SVEP1: variants seen among roughly 807,000 people sequenced by gnomAD.
The protein encoded by SVEP1 is sushi, von Willebrand factor type A, EGF and pentraxin domain containing 1, also known as sushi, von Willebrand factor type A, EGF and pentraxin domain-containing protein 1.
A neutral mutation model predicts 367.3 loss-of-function variants in SVEP1; 164 were observed. That is an observed-to-expected ratio of 0.45 (90% CI 0.39 to 0.51). The LOEUF (loss-of-function observed/expected upper bound fraction) is 0.51, where lower values mean the gene tolerates loss of function less well. Ranked by LOEUF, SVEP1 falls within the 20% of genes least tolerant of loss-of-function variation. SVEP1 has a pLI of 0.00. For missense variants in SVEP1, 4,117 were observed against 4,425.3 expected (o/e 0.93, Z 1.98); for synonymous variants, 1,666 against 1,611.6 (o/e 1.03, Z -0.81).
At chr9:110,394,247 G>C (rs1028879023) in intron 40 of SVEP1, among the ~76,000 whole-genome samples, 58 of 152,254 alleles carry the variant, frequency 3.8e-4, no homozygotes, top group African/African-American at 1.3e-3. Flanking sequence ...AGGCAAACAG[G>C]GTCTGGATTG....
At chr9:110,437,998 A>G (rs1203451989) in intron 27 of SVEP1, among the ~76,000 whole-genome samples, 1 of 152,056 alleles carries the variant, frequency 6.6e-6, no homozygotes, top group Non-Finnish European at 1.5e-5. Context: ...ATAATTATTT[A>G]ATAGTTTTTT....
Position 110,468,899 on chromosome 9 carries a change from A to T in SVEP1, c.3160+41T>A. ...TTCTTTCCCCCAAAAGGGAAACAAA[A>T]ATTGGGCTGCTTCTAGTTGAAATGT... On this transcript the variant is annotated intron_variant, in intron 17 of 47. Coordinates refer to ENST00000374469, the MANE Select transcript of SVEP1 (RefSeq NM_153366.4). 4.0e-6 allele frequency: 6 copies of T among 1,504,988 alleles called. No homozygotes were observed. The South Asian group carries it at 8.0e-5, about 20-fold the overall frequency. The allele number at this position is 1,504,988 out of a possible 1,614,324, so 93.2% of individuals were successfully genotyped here.
chr9:110,468,160 A>G (rs1010406181), intron 17 of SVEP1, among the ~76,000 whole-genome samples: 3 of 152,238 alleles, frequency 2.0e-5, no homozygotes, highest in Non-Finnish European at 4.4e-5. Flanking sequence ...CTAACACACC[A>G]GGCTAACTGA....
At chr9:110,414,999 T>C (rs947068671) in intron 36 of SVEP1, among the ~76,000 whole-genome samples, 1 of 151,994 alleles carries the variant, frequency 6.6e-6, no homozygotes, top group Non-Finnish European at 1.5e-5. Context: ...CCAAGGAGTA[T>C]AAACATGAGC....
intron 16 of SVEP1, among the ~76,000 whole-genome samples, chr9:110,469,829 G>T (rs940248617): frequency 1.3e-5 from 2 of 152,198 alleles, no homozygotes; most frequent in African/African-American, 4.8e-5. Context: ...TGTGATGCAA[G>T]ATCACACTGA....
At chr9:110,383,556 G>GT (rs1827475515) in intron 43 of SVEP1, among the ~76,000 whole-genome samples, 1 of 77,950 alleles carries the variant, frequency 1.3e-5, no homozygotes, top group South Asian at 3.8e-4. Flanking sequence ...GACCCCTGTT[G>GT]TGGGGGGGTC....
At chr9:110,429,011 G>T in intron 35 of SVEP1, 132 bp downstream of exon 35, 1 of 715,284 alleles carries the variant, frequency 1.4e-6, no homozygotes, top group Non-Finnish European at 2.1e-6. Context: ...AGAGATTGCA[G>T]TGAGCTGAGA....
At chr9:110,505,428 G>C (rs1267612735) in intron 5 of SVEP1, among the ~76,000 whole-genome samples, 1 of 152,040 alleles carries the variant, frequency 6.6e-6, no homozygotes, top group African/African-American at 2.4e-5. Flanking sequence ...TAGACCCTTG[G>C]ACCTGCCCCC....
At chr9:110,392,936 A>G (rs1827686649) in intron 40 of SVEP1, among the ~76,000 whole-genome samples, 1 of 152,178 alleles carries the variant, frequency 6.6e-6, no homozygotes, top group African/African-American at 2.4e-5. Context: ...TTTCCAGGCA[A>G]TATTTTACAT....
At chr9:110,452,375 T>A (rs888965832) in intron 22 of SVEP1, among the ~76,000 whole-genome samples, 1 of 152,220 alleles carries the variant, frequency 6.6e-6, no homozygotes, top group Non-Finnish European at 1.5e-5. Flanking sequence ...CACAAGTTTT[T>A]ACTATGATTC....
At chr9:110,448,436 GTCTAATAGGAATAAC>G (rs1828640699) in intron 24 of SVEP1, among the ~76,000 whole-genome samples, 1 of 152,192 alleles carries the variant, frequency 6.6e-6, no homozygotes, top group African/African-American at 2.4e-5. Context: ...ACCTAACAGT[GTCTAATAGGAATAAC>G]TGGTGTTTGG....
intron 1 of SVEP1, among the ~76,000 whole-genome samples, chr9:110,552,797 A>C (rs1029652998): frequency 6.6e-6 from 1 of 152,148 alleles, no homozygotes; most frequent in Non-Finnish European, 1.5e-5. Context: ...CGGCCTGGGT[A>C]CTGGGGCCCC....
chr9:110,450,329 T>A lies in SVEP1; in HGVS notation c.3902-69A>T. 2.0e-6 allele frequency: 3 copies of A among 1,512,292 alleles called. No homozygotes were observed. The South Asian group carries it at 3.5e-5, about 18-fold the overall frequency. 93.7% of individuals were successfully genotyped at this position (1,512,292 alleles called of 1,614,324 possible). ...CCTGGGAACACTGTAACTAAAGTGT[T>A]GACTCCCTGGAGGATGCTGCTTCTA... On this transcript the variant is annotated intron_variant, in intron 23 of 47. Coordinates refer to ENST00000374469, the MANE Select transcript of SVEP1 (RefSeq NM_153366.4).
At position 110,427,715 on chromosome 9, in the gene SVEP1, A is replaced by G. The variant is rs1828277128; in HGVS notation, c.5851T>C (p.Trp1951Arg). ...TGACAGGCAGGTGGCGCTCTGTCCC[A>G]GATGCCAGAAGCCGTGCATTCAATA... ...SIIECTASGI[W>R]DRAPPACHLV... The change falls in exon 36 of 48, where the codon TGG (tryptophan) becomes CGG (arginine). Residue 1951 changes from tryptophan (W) to arginine (R), a missense_variant. Around this residue, in one of 4 missense-constraint regions of SVEP1, gnomAD observed 2,174 missense variants for 2,494.3 expected, o/e 0.87. Transcript: ENST00000374469. 1 of 1,613,774 alleles carries G rather than the reference A, an allele frequency of 6.2e-7. No individual in the cohort carries two copies. Among genetic ancestry groups the G allele is most frequent in the Non-Finnish European group, 8.5e-7 (1 of 1,179,792 alleles).
intron 5 of SVEP1, among the ~76,000 whole-genome samples, chr9:110,510,594 A>G (rs1829693460): frequency 6.6e-6 from 1 of 152,198 alleles, no homozygotes; most frequent in South Asian, 2.1e-4. Context: ...GCTTCCTGAG[A>G]GAGCATGGCT....
At chr9:110,448,698 G>T (rs561023772) in intron 24 of SVEP1, among the ~76,000 whole-genome samples, 5 of 152,124 alleles carry the variant, frequency 3.3e-5, no homozygotes, top group African/African-American at 4.8e-5. Flanking sequence ...GACAACTTTG[G>T]TATTCATCAA....
intron 30 of SVEP1, among the ~76,000 whole-genome samples, chr9:110,433,675 T>C (rs1017845468): frequency 1.3e-5 from 2 of 151,868 alleles, no homozygotes; most frequent in Non-Finnish European, 2.9e-5. Context: ...TTTCATCATG[T>C]GCCTAGGCTG....
At chr9:110,369,850 G>A (rs1405627520) in intron 47 of SVEP1, 73 bp downstream of exon 47, 3 of 1,249,488 alleles carry the variant, frequency 2.4e-6, no homozygotes, top group Non-Finnish European at 3.4e-6. Flanking sequence ...GATAACTTCT[G>A]GCTCTTAGGA....
intron 14 of SVEP1, among the ~76,000 whole-genome samples, chr9:110,474,003 G>C (rs1259981499): frequency 6.6e-6 from 1 of 152,024 alleles, no homozygotes; most frequent in Non-Finnish European, 1.5e-5. Context: ...TTCCACTTTA[G>C]TTATTTTATT....
Sources: gnomAD v4.1 joint callset for allele counts (sites outside exome capture counted in the v4.1 genomes callset) on GRCh38, gnomAD v4.1.1 for gene constraint, gnomAD v4.1.1 regional missense constraint, MANE v1.5 for transcripts, NCBI Gene and HGNC (gene_info 2026-07-23, HGNC 2026-07-21) for gene names.